PTPRR: variants seen among roughly 807,000 people sequenced by gnomAD.
PTPRR encodes receptor-type tyrosine-protein phosphatase R.
PTPRR carries 38 observed loss-of-function variants against 77.2 expected under a neutral mutation model. The ratio of observed to expected loss-of-function variants is 0.49; its 90% confidence interval spans 0.38 to 0.65. The LOEUF (loss-of-function observed/expected upper bound fraction) is 0.65, where lower values mean the gene tolerates loss of function less well. PTPRR is among the 30% of genes least tolerant of loss of function. The probability of loss-of-function intolerance (pLI) is 0.00; values close to 1 mark genes in which losing one functional copy is unlikely to be tolerated. For missense variants in PTPRR, 744 were observed against 799.2 expected, an observed-to-expected ratio of 0.93 and a Z score of 0.83; for synonymous variants, 299 against 283.1, an observed-to-expected ratio of 1.06 and a Z score of -0.57.
intron 8 of PTPRR, among the ~76,000 whole-genome samples, chr12:70,696,171 C>G (rs1008589084): frequency 1.4e-5 from 2 of 148,068 alleles, no homozygotes; most frequent in African/African-American, 2.5e-5. Flanking sequence ...ATATTACTTC[C>G]TCTCCATTTT....
At chr12:70,852,298 A>C in intron 2 of PTPRR, among the ~76,000 whole-genome samples, 1 of 152,184 alleles carries the variant, frequency 6.6e-6, no homozygotes, top group African/African-American at 2.4e-5. Flanking sequence ...TTAAACACCA[A>C]TGTCAACTCA....
intron 6 of PTPRR, among the ~76,000 whole-genome samples, chr12:70,731,074 A>AAGAGAAAGGAAGGAAGGAGGAAGG (rs1889642163): frequency 1.2e-5 from 1 of 86,874 alleles, no homozygotes; most frequent in East Asian, 4.1e-4. Flanking sequence ...GGAGGAAGGC[A>AAGAGAAAGGAAGGAAGGAGGAAGG]AGAGAGAGGA....
At chr12:70,682,232 A>G (rs1018533353) in intron 10 of PTPRR, among the ~76,000 whole-genome samples, 6 of 150,012 alleles carry the variant, frequency 4.0e-5, no homozygotes, top group Non-Finnish European at 7.4e-5. Context: ...TTTAGTAGAG[A>G]CGGGGTTTCA....
intron 2 of PTPRR, among the ~76,000 whole-genome samples, chr12:70,887,383 C>T (rs1486562188): frequency 3.3e-5 from 5 of 151,940 alleles, no homozygotes; most frequent in Middle Eastern, 3.4e-3. Flanking sequence ...ACCCAGGAGG[C>T]GAAGGTTGCA....
intron 6 of PTPRR, among the ~76,000 whole-genome samples, chr12:70,728,494 G>GTATATATATA (rs1446448745): frequency 1.2e-3 from 3 of 2,542 alleles, no homozygotes; most frequent in African/African-American, 1.6e-3. Context: ...ATATATATAT[G>GTATATATATA]TATGTATGTA....
At position 70,724,660 on chromosome 12, in the gene PTPRR, G is replaced by T. The variant is rs961155533; in HGVS notation, c.1007+21158C>A. Among the ~76,000 whole-genome samples, 9 of 152,128 alleles carry T rather than the reference G, an allele frequency of 5.9e-5. No individual in the cohort carries two copies. In the South Asian group the frequency reaches 1.2e-3, roughly 21 times the overall value. On this transcript the variant is annotated intron_variant, in intron 6 of 13. Transcript: ENST00000283228. ...GTTGTTGCTATTACTGACCCCTATT[G>T]GTAGTTACCACTGCTACTGCTACTG... is the stretch of plus-strand genomic sequence containing the variant.
At chr12:70,866,661 A>G (rs372796000) in intron 2 of PTPRR, among the ~76,000 whole-genome samples, 3 of 152,308 alleles carry the variant, frequency 2.0e-5, no homozygotes, top group East Asian at 3.9e-4. Context: ...AAAAAGAGGG[A>G]ATCCTCCCTA....
chr12:70,677,589 A>G (rs1157192364), intron 10 of PTPRR, among the ~76,000 whole-genome samples: 2 of 152,138 alleles, frequency 1.3e-5, no homozygotes, highest in African/African-American at 4.8e-5. Context: ...TACTTTCTGT[A>G]TCTAATTTGT....
intron 2 of PTPRR, among the ~76,000 whole-genome samples, chr12:70,798,333 T>G (rs1017837833): frequency 6.6e-6 from 1 of 152,232 alleles, no homozygotes; most frequent in Non-Finnish European, 1.5e-5. Context: ...CTTGGGATAC[T>G]ATTATAGCAT....
chr12:70,895,233 C>T (rs1433714239), intron 1 of PTPRR, among the ~76,000 whole-genome samples: 1 of 151,510 alleles, frequency 6.6e-6, no homozygotes, highest in Non-Finnish European at 1.5e-5. Context: ...AAAAAAGCAG[C>T]TTAGAAGATT....
chr12:70,852,792 G>A (rs536030442), intron 2 of PTPRR, among the ~76,000 whole-genome samples: 1 of 152,208 alleles, frequency 6.6e-6, no homozygotes, highest in East Asian at 1.9e-4. Flanking sequence ...TGCTCATATT[G>A]AGGACTTTAC....
chr12:70,872,031 C>T (rs1186370772), intron 2 of PTPRR, among the ~76,000 whole-genome samples: 2 of 152,122 alleles, frequency 1.3e-5, no homozygotes, highest in African/African-American at 2.4e-5. Context: ...CACCAAACAA[C>T]AAATAAATTT....
At chr12:70,821,438 G>T (rs1245574180) in intron 2 of PTPRR, among the ~76,000 whole-genome samples, 1 of 151,300 alleles carries the variant, frequency 6.6e-6, no homozygotes. Flanking sequence ...CTTTGGCCAG[G>T]CTGGTCTCGA....
At chr12:70,913,874 T>C (rs190294642) in intron 1 of PTPRR, among the ~76,000 whole-genome samples, 1 of 152,322 alleles carries the variant, frequency 6.6e-6, no homozygotes, top group East Asian at 1.9e-4. Flanking sequence ...ATTCATTCAT[T>C]GAACACTTAC....
At chr12:70,898,417 G>C (rs1893472567) in intron 1 of PTPRR, among the ~76,000 whole-genome samples, 1 of 149,698 alleles carries the variant, frequency 6.7e-6, no homozygotes, top group African/African-American at 2.4e-5. Flanking sequence ...TTTTTCTACA[G>C]TTTATGTTTT....
chr12:70,672,482 A>G, intron 10 of PTPRR: 3 of 1,159,822 alleles, frequency 2.6e-6, no homozygotes, highest in Non-Finnish European at 3.9e-6. Context: ...ACTGCGGCTC[A>G]TAACGTGAGT....
chr12:70,907,717 C>A (rs531439263), intron 1 of PTPRR, among the ~76,000 whole-genome samples: 132 of 152,280 alleles, frequency 8.7e-4, no homozygotes, highest in Middle Eastern at 6.8e-3. Context: ...GGGCCTCAGA[C>A]TCTGCTGGAA....
chr12:70,782,785 AT>A, intron 2 of PTPRR, among the ~76,000 whole-genome samples: 1 of 152,264 alleles, frequency 6.6e-6, no homozygotes, highest in African/African-American at 2.4e-5. Flanking sequence ...ATGTATACAT[AT>A]GTAACAAAGC....
Position 70,916,502 on chromosome 12 carries a change from T to C in PTPRR, c.58+3831A>G, listed in dbSNP as rs567994641. On this transcript the variant is annotated intron_variant, in intron 1 of 13. Transcript: ENST00000283228. ...AATATATCATTTACCTGTTAGTCTA[T>C]CGTTTCTTTTGAGGGTGGTACTTCT... Among the ~76,000 whole-genome samples the C allele has an allele frequency of 5.9e-5, 9 of 152,252 alleles. No individual in the cohort carries two copies. The East Asian group carries it at 1.4e-3, about 23-fold the overall frequency.
Sources: allele counts gnomAD v4.1 joint callset (sites outside exome capture counted in the v4.1 genomes callset), GRCh38; gene constraint gnomAD v4.1.1; transcripts MANE v1.5; gene names NCBI Gene and HGNC (gene_info 2026-07-23, HGNC 2026-07-21).